PTPRO: variants seen among roughly 807,000 people sequenced by gnomAD.
The protein encoded by PTPRO is protein tyrosine phosphatase receptor type O.
PTPRO carries 62 observed loss-of-function variants against 145.2 expected under a neutral mutation model. The observed-to-expected ratio is 0.43, with a 90% CI of 0.35 to 0.53. The LOEUF (loss-of-function observed/expected upper bound fraction) is 0.53, where lower values mean the gene tolerates loss of function less well. Among genes scored for constraint, PTPRO ranks in the 20% least tolerant of loss-of-function variants. PTPRO has a pLI of 0.01. For synonymous variants in PTPRO, 565 were observed against 514.7 expected (o/e 1.10, Z -1.32); for missense variants, 1,345 against 1,482.7 (o/e 0.91, Z 1.53).
intron 17 of PTPRO, among the ~76,000 whole-genome samples, chr12:15,561,510 G>C (rs1943772262): frequency 6.6e-6 from 1 of 152,046 alleles, no homozygotes; most frequent in Non-Finnish European, 1.5e-5. Context: ...TGATGTGTAG[G>C]TAATAAAGTC....
intron 1 of PTPRO, among the ~76,000 whole-genome samples, chr12:15,457,078 T>C (rs1317911043): frequency 1.3e-5 from 2 of 152,230 alleles, no homozygotes; most frequent in Non-Finnish European, 2.9e-5. Context: ...CTTTTTCCTA[T>C]GCGGATGCTT....
chr12:15,591,922 T>A (rs1336328531), intron 25 of PTPRO, among the ~76,000 whole-genome samples: 5 of 151,840 alleles, frequency 3.3e-5, no homozygotes. Flanking sequence ...AAATAAAAAA[T>A]AAAGTGCAGT....
chr12:15,482,959 A>G lies in PTPRO; in HGVS notation c.76-1015A>G, dbSNP rs995211877. Among the ~76,000 whole-genome samples the G allele has an allele frequency of 9.2e-5, 14 of 152,146 alleles. 1 individual carries two copies. Among genetic ancestry groups the G allele is most frequent in the African/African-American group, 3.4e-4 (14 of 41,424 alleles). On this transcript the variant is annotated intron_variant, in intron 1 of 26. Transcript: ENST00000281171. ...CTACAAAGTGAGATTAAAAGTAACG[A>G]TACGTATCTCATGAGGTTATTTTCA...
chr12:15,399,466 C>T (rs2136297004), intron 1 of PTPRO, among the ~76,000 whole-genome samples: 1 of 152,250 alleles, frequency 6.6e-6, no homozygotes, highest in Admixed American at 6.5e-5. Flanking sequence ...GCATGCAGTA[C>T]CAAGGGCCTC....
intron 1 of PTPRO, among the ~76,000 whole-genome samples, chr12:15,393,240 C>T (rs1163472295): frequency 6.6e-6 from 1 of 152,130 alleles, no homozygotes; most frequent in African/African-American, 2.4e-5. Flanking sequence ...ACCAACATGT[C>T]TATGAATCAG....
chr12:15,551,467 A>C, intron 14 of PTPRO, 84 bp from the exon 15 acceptor site: 1 of 1,537,290 alleles, frequency 6.5e-7, no homozygotes, highest in Non-Finnish European at 8.9e-7. Flanking sequence ...CACTGCCCTT[A>C]AGACTAGATG....
At chr12:15,464,240 G>C (rs1033460386) in intron 1 of PTPRO, among the ~76,000 whole-genome samples, 1 of 152,162 alleles carries the variant, frequency 6.6e-6, no homozygotes, top group African/African-American at 2.4e-5. Flanking sequence ...TACAAGAAAG[G>C]CATGTTTCAG....
At chr12:15,547,554 C>T (rs184255053) in intron 13 of PTPRO, among the ~76,000 whole-genome samples, 8 of 152,246 alleles carry the variant, frequency 5.3e-5, no homozygotes, top group Admixed American at 1.3e-4. Context: ...ATATTGAATG[C>T]TAAGATAATT....
At chr12:15,566,645 C>G (rs1335567407) in intron 18 of PTPRO, among the ~76,000 whole-genome samples, 1 of 152,100 alleles carries the variant, frequency 6.6e-6, no homozygotes, top group African/African-American at 2.4e-5. Context: ...CTCAGCCTCC[C>G]CAGTAGCTAA....
Position 15,527,950 on chromosome 12 carries a change from C to G in PTPRO, c.2164+1688C>G, listed in dbSNP as rs578233333. On this transcript the variant is annotated intron_variant, in intron 12 of 26. Transcript: ENST00000281171. ...CCCTAACAAGATGGTGATCTGTGAG[C>G]TCTCTGAACAAGAATTCAAAATACA... 7.3e-5 allele frequency among the ~76,000 whole-genome samples: 10 copies of G among 137,814 alleles called. No homozygotes were observed. The South Asian group carries it at 2.3e-3, about 32-fold the overall frequency. The allele number at this position is 137,814 out of a possible 152,430, so 90.4% of individuals were successfully genotyped here.
chr12:15,435,558 C>A (rs1371055752), intron 1 of PTPRO, among the ~76,000 whole-genome samples: 1 of 146,452 alleles, frequency 6.8e-6, no homozygotes. Context: ...AGCAAAGCAC[C>A]TTTTTTTTTT....
At chr12:15,411,510 G>A (rs1939800275) in intron 1 of PTPRO, among the ~76,000 whole-genome samples, 1 of 152,200 alleles carries the variant, frequency 6.6e-6, no homozygotes, top group Non-Finnish European at 1.5e-5. Flanking sequence ...TAGAGAAGCT[G>A]AAAGCAAAGT....
intron 20 of PTPRO, among the ~76,000 whole-genome samples, chr12:15,579,366 C>T (rs535802434): frequency 1.3e-5 from 2 of 152,214 alleles, no homozygotes; most frequent in African/African-American, 4.8e-5. Flanking sequence ...TAATAAAAAG[C>T]AGCATTCAAG....
intron 1 of PTPRO, among the ~76,000 whole-genome samples, chr12:15,461,536 C>G (rs1314553925): frequency 6.7e-6 from 1 of 148,524 alleles, no homozygotes. Flanking sequence ...CTGCTATTTC[C>G]TAGTCCAAGT....
intron 1 of PTPRO, among the ~76,000 whole-genome samples, chr12:15,380,739 C>T (rs1191831143): frequency 1.3e-5 from 2 of 152,148 alleles, no homozygotes; most frequent in South Asian, 2.1e-4. Flanking sequence ...CTCTACTGCA[C>T]TATCAAATTT....
intron 4 of PTPRO, among the ~76,000 whole-genome samples, chr12:15,501,191 CA>C (rs1434847147): frequency 4.9e-4 from 75 of 152,254 alleles, no homozygotes; most frequent in African/African-American, 1.8e-3. Flanking sequence ...GCAACTATGT[CA>C]CATGGAGTAT....
intron 1 of PTPRO, among the ~76,000 whole-genome samples, chr12:15,408,705 G>A (rs1290361438): frequency 2.6e-5 from 4 of 152,182 alleles, no homozygotes; most frequent in African/African-American, 9.7e-5. Context: ...TGGGATTACA[G>A]GCGTGAGCCA....
At chr12:15,416,525 T>C (rs1325368053) in intron 1 of PTPRO, among the ~76,000 whole-genome samples, 1 of 151,326 alleles carries the variant, frequency 6.6e-6, no homozygotes, top group African/African-American at 2.5e-5. Flanking sequence ...TTCACCATGT[T>C]AGCCAGGATG....
rs559361726 is a variant in PTPRO at position 15,526,725 on chromosome 12, A to G, written c.2164+463A>G. 2.4e-3 allele frequency among the ~76,000 whole-genome samples: 372 copies of G among 152,222 alleles called. 1 individual carries two copies. The highest frequency in any genetic ancestry group is 4.7e-3 in the Non-Finnish European group (318 of 68,012). On this transcript the variant is annotated intron_variant, in intron 12 of 26. Coordinates refer to ENST00000281171, the MANE Select transcript of PTPRO (RefSeq NM_030667.3). ...CAAGACAAAAAGAAACTAATTTATA[A>G]TAAAATAATATGGATTTCCTAAATA...
Sources: gnomAD v4.1 joint callset for allele counts (sites outside exome capture counted in the v4.1 genomes callset) on GRCh38, gnomAD v4.1.1 for gene constraint, MANE v1.5 for transcripts, NCBI Gene and HGNC (gene_info 2026-07-23, HGNC 2026-07-21) for gene names.